The following PHYHIPL variants were observed in gnomAD, a reference collection of about 807,000 sequenced individuals.
The protein encoded by PHYHIPL is phytanoyl-CoA 2-hydroxylase interacting protein like, also known as phytanoyl-CoA hydroxylase-interacting protein-like.
Under a neutral mutation model 33.4 loss-of-function variants are expected in PHYHIPL, and 9 were observed. The observed-to-expected ratio is 0.27, with a 90% confidence interval of 0.16 to 0.47. The LOEUF (loss-of-function observed/expected upper bound fraction) is 0.47, where lower values mean the gene tolerates loss of function less well. Among genes scored for constraint, PHYHIPL ranks in the 20% least tolerant of loss-of-function variants. The probability of loss-of-function intolerance (pLI) is 0.99; values close to 1 mark genes in which losing one functional copy is unlikely to be tolerated. For synonymous variants in PHYHIPL, 153 were observed against 154.1 expected, an observed-to-expected ratio of 0.99 and a Z score of 0.05; for missense variants, 365 against 460.7, an observed-to-expected ratio of 0.79 and a Z score of 1.90.
intron 1 of PHYHIPL, among the ~76,000 whole-genome samples, chr10:59,230,154 G>A (rs1392279040): frequency 6.6e-6 from 1 of 150,758 alleles, no homozygotes; most frequent in Non-Finnish European, 1.5e-5. Flanking sequence ...TTGATACAGA[G>A]CTTATGATAT....
Position 59,176,780 on chromosome 10 carries a change from C to T in PHYHIPL, c.-74C>T. 2 of 1,369,790 alleles carry T rather than the reference C, an allele frequency of 1.5e-6. No homozygotes were observed. The highest frequency in any genetic ancestry group is 2.0e-6 in the Non-Finnish European group (2 of 990,906). The allele number at this position is 1,369,790 out of a possible 1,614,324, so 84.9% of individuals were successfully genotyped here. On this transcript the variant is annotated 5_prime_UTR_variant, in exon 1 of 5. Coordinates refer to ENST00000373880, the MANE Select transcript of PHYHIPL (RefSeq NM_032439.4). ...CCTCTGCCACTCCCCCTCCCTTTCC[C>T]GCTCTTCTTGCCCACCCGGCCGGCA...
intron 1 of PHYHIPL, among the ~76,000 whole-genome samples, chr10:59,198,716 A>G (rs371902328): frequency 1.4e-4 from 21 of 149,394 alleles, no homozygotes; most frequent in African/African-American, 4.3e-4. Context: ...TCCAGCACCT[A>G]TTGTTTCCTG....
rs73296189 is a variant in PHYHIPL at position 59,232,474 on chromosome 10, T to C, written c.107-1830T>C. ...TTCTCTCGAATTTTAACAATCAGAA[T>C]GAAAAAATCCAAAAAACAAAGTATT... On this transcript the variant is annotated intron_variant, in intron 1 of 4. Coordinates refer to ENST00000373880, the MANE Select transcript of PHYHIPL (RefSeq NM_032439.4). 9.4e-3 allele frequency among the ~76,000 whole-genome samples: 1,433 copies of C among 151,974 alleles called. 24 individuals are homozygous for C. The highest frequency in any genetic ancestry group is 0.033 in the African/African-American group (1,357 of 41,520).
intron 4 of PHYHIPL, among the ~76,000 whole-genome samples, chr10:59,241,132 T>A (rs142512379): frequency 6.6e-6 from 1 of 152,130 alleles, no homozygotes; most frequent in Non-Finnish European, 1.5e-5. Flanking sequence ...TTAAGAAGCC[T>A]TATTAAAAAG....
At chr10:59,219,486 G>T (rs1839704141) in intron 1 of PHYHIPL, among the ~76,000 whole-genome samples, 1 of 152,072 alleles carries the variant, frequency 6.6e-6, no homozygotes, top group African/African-American at 2.4e-5. Context: ...CAAAATTGTT[G>T]TATCAATAAT....
At chr10:59,185,376 T>C (rs1197321720) in intron 1 of PHYHIPL, among the ~76,000 whole-genome samples, 1 of 152,218 alleles carries the variant, frequency 6.6e-6, no homozygotes, top group Non-Finnish European at 1.5e-5. Flanking sequence ...GTTGGACATT[T>C]GGGTTGGTTC....
intron 1 of PHYHIPL, among the ~76,000 whole-genome samples, chr10:59,196,918 G>A (rs1249729802): frequency 3.9e-5 from 6 of 152,146 alleles, no homozygotes; most frequent in East Asian, 3.9e-4. Flanking sequence ...TCTTAAATGC[G>A]TATTTTAACG....
chr10:59,220,714 A>G (rs1225252668), intron 1 of PHYHIPL, among the ~76,000 whole-genome samples: 1 of 152,062 alleles, frequency 6.6e-6, no homozygotes, highest in East Asian at 1.9e-4. Context: ...TTCTAGAGCA[A>G]CTATGGTAAG....
chr10:59,189,294 A>G (rs1400146364), intron 1 of PHYHIPL, among the ~76,000 whole-genome samples: 2 of 152,074 alleles, frequency 1.3e-5, no homozygotes, highest in African/African-American at 4.8e-5. Flanking sequence ...AATGATACAA[A>G]TGAATCCAAC....
In PHYHIPL at chr10:59,214,612, G is replaced by C. The variant is rs558159144; in HGVS notation, c.107-19692G>C. ...TAATTCTGTCATTCCTGCTCCGTTT[G>C]AGAACCAGTCATGGGAGAAAGGAAA... On this transcript the variant is annotated intron_variant, in intron 1 of 4. Transcript: ENST00000373880. 6.6e-5 allele frequency among the ~76,000 whole-genome samples: 10 copies of C among 152,134 alleles called. No individual in the cohort carries two copies. In the South Asian group the frequency reaches 2.1e-3, roughly 32 times the overall value.
intron 1 of PHYHIPL, chr10:59,183,612 TC>T: frequency 2.0e-6 from 2 of 978,418 alleles, no homozygotes; most frequent in Non-Finnish European, 2.4e-6. Flanking sequence ...ATGAAATAAA[TC>T]TACAACCAGG....
At chr10:59,226,354 T>C (rs989101732) in intron 1 of PHYHIPL, among the ~76,000 whole-genome samples, 2 of 151,984 alleles carry the variant, frequency 1.3e-5, no homozygotes, top group African/African-American at 4.8e-5. Flanking sequence ...ATACTGGTGG[T>C]TCCCAAAGAA....
chr10:59,188,212 T>A (rs1838672480), intron 1 of PHYHIPL, among the ~76,000 whole-genome samples: 1 of 152,216 alleles, frequency 6.6e-6, no homozygotes, highest in Non-Finnish European at 1.5e-5. Flanking sequence ...TCTGCCTTCA[T>A]TTTGTTATGT....
chr10:59,184,201 TG>T (rs1057038202), intron 1 of PHYHIPL, among the ~76,000 whole-genome samples: 1 of 152,186 alleles, frequency 6.6e-6, no homozygotes, highest in Non-Finnish European at 1.5e-5. Flanking sequence ...CTACCTGTTT[TG>T]GTAAGTATAA....
At chr10:59,196,717 A>G (rs1838930980) in intron 1 of PHYHIPL, among the ~76,000 whole-genome samples, 1 of 151,994 alleles carries the variant, frequency 6.6e-6, no homozygotes, top group African/African-American at 2.4e-5. Context: ...GCGCCCGGCC[A>G]AGTACACTGT....
At chr10:59,176,411 G>A (rs1048574446), upstream of PHYHIPL, among the ~76,000 whole-genome samples, 4 of 152,006 alleles carry the variant, frequency 2.6e-5, no homozygotes, top group Non-Finnish European at 5.9e-5. Context: ...CCGCGCGCTC[G>A]GTCGCCCGAC....
intron 1 of PHYHIPL, among the ~76,000 whole-genome samples, chr10:59,233,189 G>A (rs1207587061): frequency 3.3e-5 from 5 of 151,802 alleles, no homozygotes; most frequent in Admixed American, 2.0e-4. Flanking sequence ...TGGCTACAAC[G>A]CAGCTTCAGA....
chr10:59,229,437 A>G lies in PHYHIPL; in HGVS notation c.107-4867A>G, dbSNP rs551254006. 4.7e-4 allele frequency among the ~76,000 whole-genome samples: 71 copies of G among 152,296 alleles called. 1 individual carries two copies. The highest frequency in any genetic ancestry group is 2.9e-5 in the Non-Finnish European group (2 of 68,024). On this transcript the variant is annotated intron_variant, in intron 1 of 4. Coordinates refer to ENST00000373880, the MANE Select transcript of PHYHIPL (RefSeq NM_032439.4). ...TTGTAATTAGTAGTGTTTGTTTAAA[A>G]TCGACTTTTTAATTCTTGAGAGAGA... is the stretch of plus-strand genomic sequence containing the variant.
chr10:59,185,789 T>A, intron 1 of PHYHIPL, among the ~76,000 whole-genome samples: 1 of 152,214 alleles, frequency 6.6e-6, no homozygotes, highest in Non-Finnish European at 1.5e-5. Flanking sequence ...GTTCATATCC[T>A]TTGCCCACTT....
Sources: allele counts gnomAD v4.1 joint callset (sites outside exome capture counted in the v4.1 genomes callset), GRCh38; gene constraint gnomAD v4.1.1; transcripts MANE v1.5; gene names NCBI Gene and HGNC (gene_info 2026-07-23, HGNC 2026-07-21).